Variants in NLGN1 observed in about 807,000 individuals in gnomAD.
NLGN1 encodes the protein neuroligin 1, also known as neuroligin-1.
In NLGN1, 12 loss-of-function variants were observed where a neutral mutation model predicts 65.5. The ratio of observed to expected loss-of-function variants is 0.18; its 90% CI spans 0.12 to 0.30. NLGN1 has a LOEUF of 0.30. Among genes scored for constraint, NLGN1 ranks in the 10% least tolerant of loss-of-function variants. The pLI is 1.00. For synonymous variants in NLGN1, 350 were observed against 359.5 expected, an observed-to-expected ratio of 0.97 and a Z score of 0.30; for missense variants, 750 against 1,007.1, an observed-to-expected ratio of 0.74 and a Z score of 3.46.
intron 2 of NLGN1, among the ~76,000 whole-genome samples, chr3:173,454,333 C>T (rs185758062): frequency 4.7e-4 from 71 of 152,280 alleles, no homozygotes; most frequent in Admixed American, 4.3e-3. Context: ...TCTCCGGTTG[C>T]ATTAGCCCTT....
At chr3:173,726,083 G>A (rs1248547729) in intron 3 of NLGN1, among the ~76,000 whole-genome samples, 2 of 151,972 alleles carry the variant, frequency 1.3e-5, no homozygotes, top group Admixed American at 1.3e-4. Flanking sequence ...TTAATCAAGG[G>A]AGTAAAGTCG....
chr3:174,219,808 G>T (rs1322826469), intron 4 of NLGN1, among the ~76,000 whole-genome samples: 1 of 152,088 alleles, frequency 6.6e-6, no homozygotes, highest in African/African-American at 2.4e-5. Flanking sequence ...AGACCAAAAT[G>T]GTCAGGGAAT....
intron 3 of NLGN1, among the ~76,000 whole-genome samples, chr3:173,804,216 A>C (rs1302601319): frequency 6.6e-6 from 1 of 152,190 alleles, no homozygotes; most frequent in Non-Finnish European, 1.5e-5. Flanking sequence ...AGTAAGGCTT[A>C]AAACCATTGC....
chr3:173,586,427 G>A (rs1747448025), intron 2 of NLGN1, among the ~76,000 whole-genome samples: 1 of 152,070 alleles, frequency 6.6e-6, no homozygotes, highest in South Asian at 2.1e-4. Flanking sequence ...AGATACATGC[G>A]ACGTTCTGAC....
At chr3:174,051,574 G>T (rs1734887120) in intron 4 of NLGN1, among the ~76,000 whole-genome samples, 1 of 152,140 alleles carries the variant, frequency 6.6e-6, no homozygotes, top group East Asian at 1.9e-4. Context: ...GATGCCTAGA[G>T]GATTCTTTAG....
intron 4 of NLGN1, among the ~76,000 whole-genome samples, chr3:174,217,295 T>G (rs1271835051): frequency 6.6e-6 from 1 of 152,168 alleles, no homozygotes; most frequent in African/African-American, 2.4e-5. Context: ...TCTGATCTCA[T>G]GTTAACTGAT....
At chr3:173,856,501 T>G (rs551125462) in intron 4 of NLGN1, among the ~76,000 whole-genome samples, 1 of 152,108 alleles carries the variant, frequency 6.6e-6, no homozygotes, top group Admixed American at 6.6e-5. Flanking sequence ...ACTTCATATT[T>G]AGTAACTGTG....
chr3:173,500,114 A>G (rs1411262807), intron 2 of NLGN1, among the ~76,000 whole-genome samples: 1 of 152,178 alleles, frequency 6.6e-6, no homozygotes, highest in Admixed American at 6.5e-5. Flanking sequence ...AAGAGAGGGC[A>G]TCCCTGTCTT....
chr3:174,045,212 C>G (rs1733287485), intron 4 of NLGN1, among the ~76,000 whole-genome samples: 1 of 152,088 alleles, frequency 6.6e-6, no homozygotes, highest in African/African-American at 2.4e-5. Context: ...ATACCGAAGA[C>G]TAGGTACTTT....
chr3:173,628,600 C>CT (rs534476799), intron 3 of NLGN1, among the ~76,000 whole-genome samples: 161 of 148,324 alleles, frequency 1.1e-3, no homozygotes, highest in Non-Finnish European at 1.7e-3. Context: ...GCTACACCAT[C>CT]TTTTTTTTTT....
intron 4 of NLGN1, among the ~76,000 whole-genome samples, chr3:173,844,110 A>C (rs1037804923): frequency 6.6e-6 from 1 of 152,180 alleles, no homozygotes; most frequent in Non-Finnish European, 1.5e-5. Flanking sequence ...AAACCATGAG[A>C]TCTCATGAGC....
At chr3:173,908,971 C>A (rs926452169) in intron 4 of NLGN1, among the ~76,000 whole-genome samples, 15 of 151,998 alleles carry the variant, frequency 9.9e-5, no homozygotes, top group Non-Finnish European at 1.8e-4. Flanking sequence ...GTAGCTTAAA[C>A]CCAGTGTCTT....
intron 4 of NLGN1, among the ~76,000 whole-genome samples, chr3:173,970,871 G>A (rs1397815669): frequency 1.3e-5 from 2 of 152,192 alleles, no homozygotes; most frequent in Non-Finnish European, 2.9e-5. Flanking sequence ...AATACTGGCA[G>A]TAATGGAGGA....
intron 4 of NLGN1, among the ~76,000 whole-genome samples, chr3:174,173,214 G>A (rs1728863442): frequency 6.6e-6 from 1 of 152,128 alleles, no homozygotes; most frequent in South Asian, 2.1e-4. Context: ...TTTTGGTGGA[G>A]TCTTAGGTTT....
At chr3:174,027,929 C>T (rs1274670045) in intron 4 of NLGN1, among the ~76,000 whole-genome samples, 2 of 152,078 alleles carry the variant, frequency 1.3e-5, no homozygotes, top group African/African-American at 2.4e-5. Context: ...ATAATTGAAT[C>T]ATGAGGGGTG....
chr3:173,659,396 T>C (rs922277716), intron 3 of NLGN1, among the ~76,000 whole-genome samples: 1 of 151,990 alleles, frequency 6.6e-6, no homozygotes, highest in Non-Finnish European at 1.5e-5. Flanking sequence ...CTCTATTTGC[T>C]GAAGTGTCCA....
At chr3:173,721,074 A>G (rs1475479076) in intron 3 of NLGN1, among the ~76,000 whole-genome samples, 3 of 152,232 alleles carry the variant, frequency 2.0e-5, no homozygotes, top group African/African-American at 7.2e-5. Flanking sequence ...TTGAGTGCTC[A>G]TATGCACACA....
intron 4 of NLGN1, among the ~76,000 whole-genome samples, chr3:174,023,646 A>T (rs1728220732): frequency 6.6e-6 from 1 of 152,246 alleles, no homozygotes; most frequent in South Asian, 2.1e-4. Flanking sequence ...GCTATCCAGG[A>T]TGACTGTGTT....
chr3:174,214,937 T>G (rs1737332848), intron 4 of NLGN1, among the ~76,000 whole-genome samples: 1 of 152,138 alleles, frequency 6.6e-6, no homozygotes, highest in Admixed American at 6.5e-5. Flanking sequence ...TTTGGTTAGT[T>G]ACATTATTGC....
Sources: allele counts gnomAD v4.1 joint callset (sites outside exome capture counted in the v4.1 genomes callset), GRCh38; gene constraint gnomAD v4.1.1; transcripts MANE v1.5; gene names NCBI Gene and HGNC (gene_info 2026-07-23, HGNC 2026-07-21).